Variants in RIMS2 observed in about 807,000 individuals in gnomAD.
The protein encoded by RIMS2 is regulating synaptic membrane exocytosis protein 2.
In RIMS2, 59 loss-of-function variants were observed where a neutral mutation model predicts 174.4. The observed-to-expected ratio is 0.34, with a 90% CI of 0.27 to 0.42. The LOEUF (loss-of-function observed/expected upper bound fraction) is 0.42, where lower values mean the gene tolerates loss of function less well. Ranked by LOEUF, RIMS2 falls within the 10% of genes least tolerant of loss-of-function variation. The pLI is 1.00. For synonymous variants in RIMS2, 606 were observed against 572.5 expected (o/e 1.06, Z -0.84); for missense variants, 1,620 against 1,666.3 (o/e 0.97, Z 0.48).
chr8:103,940,972 G>T (rs1354640249), intron 13 of RIMS2, among the ~76,000 whole-genome samples: 4 of 151,952 alleles, frequency 2.6e-5, no homozygotes, highest in Admixed American at 6.6e-5. Flanking sequence ...AGCTGCCTGG[G>T]TTTATATTCC....
intron 19 of RIMS2, among the ~76,000 whole-genome samples, chr8:104,204,222 C>T (rs551149306): frequency 6.6e-6 from 1 of 152,242 alleles, no homozygotes; most frequent in Admixed American, 6.5e-5. Context: ...ACATTGTGAA[C>T]CTATCTATAT....
intron 3 of RIMS2, among the ~76,000 whole-genome samples, chr8:103,848,660 G>A (rs2098980795): frequency 6.6e-6 from 1 of 151,860 alleles, no homozygotes; most frequent in Non-Finnish European, 1.5e-5. Context: ...AGAACCCTAT[G>A]GGTTTATGTT....
intron 1 of RIMS2, among the ~76,000 whole-genome samples, chr8:103,659,650 T>G (rs1238856472): frequency 1.3e-5 from 2 of 152,144 alleles, no homozygotes; most frequent in Non-Finnish European, 2.9e-5. Context: ...AGCACCCCCA[T>G]GGAAAAGCAG....
downstream of RIMS2, chr8:104,252,002 C>T (rs2099360606): frequency 1.7e-6 from 1 of 598,452 alleles, no homozygotes; most frequent in Non-Finnish European, 3.0e-6. Flanking sequence ...AAAGAAGGCC[C>T]TCAGGTGAAA....
At chr8:103,604,553 G>A (rs1045363364) in intron 1 of RIMS2, among the ~76,000 whole-genome samples, 1 of 151,760 alleles carries the variant, frequency 6.6e-6, no homozygotes, top group Non-Finnish European at 1.5e-5. Flanking sequence ...TTGGTAGCTT[G>A]ATGGGGATGG....
At chr8:103,964,115 A>T (rs2091068000) in intron 15 of RIMS2, among the ~76,000 whole-genome samples, 1 of 152,212 alleles carries the variant, frequency 6.6e-6, no homozygotes, top group African/African-American at 2.4e-5. Context: ...GGCAATTATA[A>T]ATAAAGCTGC....
rs77840404 is a variant in RIMS2 at position 104,109,874 on chromosome 8, T to C, written c.3334+95259T>C. Among the ~76,000 whole-genome samples the C allele has an allele frequency of 7.8e-3, 1,183 of 152,330 alleles. 26 individuals carry two copies. Among genetic ancestry groups the C allele is most frequent in the African/African-American group, 0.027 (1,119 of 41,578 alleles). On this transcript the variant is annotated intron_variant, in intron 19 of 23. Transcript: ENST00000504942. ...TGATATGGTTGACCTTTAGTGGTTA[T>C]GGAATTAAAATTATTTTATTTCTTA...
intron 19 of RIMS2, among the ~76,000 whole-genome samples, chr8:104,033,758 A>G (rs2096452158): frequency 6.6e-6 from 1 of 152,024 alleles, no homozygotes; most frequent in African/African-American, 2.4e-5. Context: ...CTTCATAAAT[A>G]TTCTTATCTG....
intron 14 of RIMS2, among the ~76,000 whole-genome samples, chr8:103,957,514 A>G (rs1316287730): frequency 6.6e-6 from 1 of 152,232 alleles, no homozygotes; most frequent in Admixed American, 6.5e-5. Flanking sequence ...AGAACAGAAA[A>G]TGAAACACCG....
intron 4 of RIMS2, among the ~76,000 whole-genome samples, chr8:103,892,801 C>T (rs372593618): frequency 2.0e-5 from 3 of 151,990 alleles, no homozygotes; most frequent in South Asian, 2.1e-4. Context: ...TGAGCCACTG[C>T]ACCTGGCCCA....
intron 19 of RIMS2, among the ~76,000 whole-genome samples, chr8:104,089,529 A>T (rs919245324): frequency 3.3e-5 from 5 of 151,828 alleles, no homozygotes; most frequent in Admixed American, 1.3e-4. Flanking sequence ...TTTTATTTAT[A>T]AAAAATATTT....
intron 2 of RIMS2, among the ~76,000 whole-genome samples, chr8:103,760,466 C>T (rs74989019): frequency 0.011 from 1,618 of 152,336 alleles, 8 homozygotes; most frequent in Non-Finnish European, 0.018. Flanking sequence ...GCCAATGTGT[C>T]TACTTTCAAA....
chr8:103,792,421 AGT>A (rs2098508034), intron 3 of RIMS2, among the ~76,000 whole-genome samples: 1 of 152,142 alleles, frequency 6.6e-6, no homozygotes, highest in Non-Finnish European at 1.5e-5. Context: ...CACTTAAAAG[AGT>A]GTGTAGAGGG....
At chr8:103,542,259 T>C (rs1842892135) in intron 1 of RIMS2, among the ~76,000 whole-genome samples, 1 of 152,138 alleles carries the variant, frequency 6.6e-6, no homozygotes, top group Non-Finnish European at 1.5e-5. Flanking sequence ...ATTAATTCTT[T>C]AACACATGTA....
chr8:103,549,023 C>G (rs1429214945), intron 1 of RIMS2, among the ~76,000 whole-genome samples: 2 of 151,774 alleles, frequency 1.3e-5, no homozygotes, highest in African/African-American at 2.4e-5. Context: ...TCAGAGATAC[C>G]ACAGACAAAT....
intron 17 of RIMS2, among the ~76,000 whole-genome samples, chr8:104,007,441 G>C (rs2095623787): frequency 6.6e-6 from 1 of 152,066 alleles, no homozygotes; most frequent in Non-Finnish European, 1.5e-5. Context: ...GTCATAAACG[G>C]ATTCCGATCT....
At chr8:103,693,815 C>T (rs2097062306) in intron 1 of RIMS2, among the ~76,000 whole-genome samples, 1 of 152,154 alleles carries the variant, frequency 6.6e-6, no homozygotes, top group Admixed American at 6.5e-5. Context: ...GCTTTGTCCT[C>T]AAATCTCTTT....
At chr8:103,746,428 G>T (rs549381764) in intron 2 of RIMS2, among the ~76,000 whole-genome samples, 9 of 152,202 alleles carry the variant, frequency 5.9e-5, no homozygotes, top group East Asian at 3.9e-4. Flanking sequence ...ATATTTTAAA[G>T]ACTAGCTGTA....
intron 3 of RIMS2, among the ~76,000 whole-genome samples, chr8:103,826,487 G>T (rs868279104): frequency 2.5e-4 from 38 of 151,650 alleles, no homozygotes; most frequent in African/African-American, 8.0e-4. Context: ...AAGGCTTAAA[G>T]GTTTCTATTC....
Sources: allele counts gnomAD v4.1 joint callset (sites outside exome capture counted in the v4.1 genomes callset), GRCh38; gene constraint gnomAD v4.1.1; transcripts MANE v1.5; gene names NCBI Gene and HGNC (gene_info 2026-07-23, HGNC 2026-07-21).